SCHIP1: variants seen among roughly 807,000 people sequenced by gnomAD.
SCHIP1 encodes schwannomin-interacting protein 1.
A neutral mutation model predicts 29.7 loss-of-function variants in SCHIP1; 8 were observed. The observed-to-expected ratio is 0.27, with a 90% CI of 0.16 to 0.49. SCHIP1 has a LOEUF of 0.49. SCHIP1 is among the 20% of genes least tolerant of loss of function. The pLI, the probability that SCHIP1 is intolerant of heterozygous loss-of-function variation, is 0.99. For missense variants in SCHIP1, 193 were observed against 294.6 expected, an observed-to-expected ratio of 0.66 and a Z score of 2.52; for synonymous variants, 76 against 94.9, an observed-to-expected ratio of 0.80 and a Z score of 1.16.
the SCHIP1 span, among the ~76,000 whole-genome samples, chr3:159,532,934 A>G: frequency 1.7e-4 from 26 of 152,246 alleles, no homozygotes; most frequent in Non-Finnish European, 2.9e-4. Flanking sequence ...ATTTATGAGT[A>G]TGACCAACAA....
At chr3:159,726,283 T>C in the SCHIP1 span, among the ~76,000 whole-genome samples, 2 of 152,188 alleles carry the variant, frequency 1.3e-5, no homozygotes, top group Non-Finnish European at 2.9e-5. Context: ...GATTTGCAGC[T>C]CCACGTGTTG....
At chr3:159,826,608 G>A in the SCHIP1 span, among the ~76,000 whole-genome samples, 1 of 152,192 alleles carries the variant, frequency 6.6e-6, no homozygotes, top group Non-Finnish European at 1.5e-5. Flanking sequence ...AAAGTCAAGA[G>A]TGAAAACAAA....
At chr3:159,286,015 A>G in the SCHIP1 span, among the ~76,000 whole-genome samples, 1 of 152,120 alleles carries the variant, frequency 6.6e-6, no homozygotes, top group Admixed American at 6.5e-5. Flanking sequence ...TGATCTTTTA[A>G]CAACAGTTAA....
At chr3:159,499,573 T>G in the SCHIP1 span, among the ~76,000 whole-genome samples, 1 of 152,244 alleles carries the variant, frequency 6.6e-6, no homozygotes, top group African/African-American at 2.4e-5. Flanking sequence ...GTCTCAGGTA[T>G]TCATAACTAT....
At chr3:159,749,872 C>A in the SCHIP1 span, among the ~76,000 whole-genome samples, 1 of 152,010 alleles carries the variant, frequency 6.6e-6, no homozygotes, top group African/African-American at 2.4e-5. Context: ...GTGGAAAGGT[C>A]TTAGAAGATT....
the SCHIP1 span, among the ~76,000 whole-genome samples, chr3:159,356,925 A>G: frequency 6.6e-6 from 1 of 152,232 alleles, no homozygotes; most frequent in Non-Finnish European, 1.5e-5. Flanking sequence ...ATGCTTCCCA[A>G]AGAGAACATG....
At chr3:159,453,860 G>A in the SCHIP1 span, among the ~76,000 whole-genome samples, 3 of 152,048 alleles carry the variant, frequency 2.0e-5, no homozygotes, top group Non-Finnish European at 4.4e-5. Flanking sequence ...TCTGATTCTA[G>A]CCCACTGAAC....
the SCHIP1 span, among the ~76,000 whole-genome samples, chr3:159,719,537 G>C: frequency 3.1e-3 from 468 of 152,124 alleles, 3 homozygotes; most frequent in Middle Eastern, 0.01. Flanking sequence ...AAATTTACAA[G>C]AAAAAAATCA....
the SCHIP1 span, among the ~76,000 whole-genome samples, chr3:159,741,668 G>C: frequency 6.6e-6 from 1 of 152,192 alleles, no homozygotes; most frequent in Non-Finnish European, 1.5e-5. Flanking sequence ...CATAGAAAAG[G>C]CCATATGGGA....
At chr3:159,767,406 C>T in the SCHIP1 span, among the ~76,000 whole-genome samples, 1 of 152,108 alleles carries the variant, frequency 6.6e-6, no homozygotes, top group African/African-American at 2.4e-5. Flanking sequence ...TGATTTAAAT[C>T]CTGTTTAGTG....
At chr3:159,503,482 A>C in the SCHIP1 span, among the ~76,000 whole-genome samples, 1 of 152,206 alleles carries the variant, frequency 6.6e-6, no homozygotes, top group Non-Finnish European at 1.5e-5. Context: ...CCCTCTGGCA[A>C]TATGACAAAA....
At chr3:159,792,133 G>A in the SCHIP1 span, among the ~76,000 whole-genome samples, 1 of 152,084 alleles carries the variant, frequency 6.6e-6, no homozygotes, top group South Asian at 2.1e-4. Context: ...TCCTTTGTTT[G>A]TTCATTCCTG....
chr3:159,659,082 C>T, the SCHIP1 span, among the ~76,000 whole-genome samples: 1 of 152,174 alleles, frequency 6.6e-6, no homozygotes. Flanking sequence ...TTATATTTGT[C>T]AATGCTGTTT....
chr3:159,781,105 G>A, the SCHIP1 span, among the ~76,000 whole-genome samples: 2 of 152,184 alleles, frequency 1.3e-5, no homozygotes, highest in African/African-American at 4.8e-5. Flanking sequence ...AACTGTTTTT[G>A]TGAGTTCTAA....
chr3:159,394,291 C>T, the SCHIP1 span, among the ~76,000 whole-genome samples: 57 of 151,624 alleles, frequency 3.8e-4, no homozygotes, highest in Non-Finnish European at 5.4e-4. Flanking sequence ...CTTTTCCTAA[C>T]TAAATACCCT....
chr3:159,773,912 T>C, the SCHIP1 span, among the ~76,000 whole-genome samples: 1 of 152,184 alleles, frequency 6.6e-6, no homozygotes, highest in East Asian at 1.9e-4. Context: ...AGGAAAGTAT[T>C]TGTGGGGTTC....
the SCHIP1 span, among the ~76,000 whole-genome samples, chr3:159,589,362 C>T: frequency 6.6e-6 from 1 of 152,180 alleles, no homozygotes; most frequent in East Asian, 1.9e-4. Flanking sequence ...AGATTTTGGG[C>T]TGAGACGATG....
the SCHIP1 span, among the ~76,000 whole-genome samples, chr3:159,486,496 G>A: frequency 6.6e-6 from 1 of 152,032 alleles, no homozygotes; most frequent in Non-Finnish European, 1.5e-5. Flanking sequence ...ATATTTCACT[G>A]GTAATAGGAA....
chr3:159,736,651 T>C, the SCHIP1 span, among the ~76,000 whole-genome samples: 1 of 151,896 alleles, frequency 6.6e-6, no homozygotes, highest in African/African-American at 2.4e-5. Flanking sequence ...GGAGAGAGAC[T>C]GAAGTTCAGT....
Sources: allele counts gnomAD v4.1 joint callset (sites outside exome capture counted in the v4.1 genomes callset), GRCh38; gene constraint gnomAD v4.1.1; transcripts MANE v1.5; gene names NCBI Gene and HGNC (gene_info 2026-07-23, HGNC 2026-07-21).